The following MYO9A variants were observed in gnomAD, a reference collection of about 807,000 sequenced individuals.
MYO9A encodes myosin IXA.
In MYO9A, 103 loss-of-function variants were observed where a neutral mutation model predicts 293.3. The observed-to-expected ratio is 0.35, with a 90% CI of 0.30 to 0.41. The LOEUF (loss-of-function observed/expected upper bound fraction) is 0.41, where lower values mean the gene tolerates loss of function less well. Among genes scored for constraint, MYO9A ranks in the 10% least tolerant of loss-of-function variants. MYO9A has a pLI of 1.00. For synonymous variants in MYO9A, 1,001 were observed against 1,035.7 expected (o/e 0.97, Z 0.64); for missense variants, 2,685 against 3,033.0 (o/e 0.89, Z 2.69).
chr15:72,001,582 AAGG>A (rs1171287779), intron 8 of MYO9A, among the ~76,000 whole-genome samples: 6 of 151,028 alleles, frequency 4.0e-5, no homozygotes, highest in Admixed American at 6.6e-5. Context: ...AATAGATTAT[AAGG>A]AGGAGATTGA....
intron 30 of MYO9A, among the ~76,000 whole-genome samples, chr15:71,879,454 G>A (rs549324652): frequency 6.6e-6 from 1 of 151,962 alleles, no homozygotes; most frequent in Admixed American, 6.6e-5. Context: ...GACATCTGAA[G>A]TCAGTATCTT....
chr15:71,878,268 A>G, intron 30 of MYO9A, 37 bp from the exon 31 acceptor site: 3 of 1,389,186 alleles, frequency 2.2e-6, no homozygotes, highest in Non-Finnish European at 2.9e-6. Context: ...TGGTTTTATA[A>G]AGAAACTCCT....
chr15:72,082,028 C>T (rs1006200721), intron 1 of MYO9A, among the ~76,000 whole-genome samples: 3 of 151,830 alleles, frequency 2.0e-5, no homozygotes, highest in African/African-American at 7.3e-5. Flanking sequence ...TTTTTTGGTT[C>T]CATATCAATT....
At chr15:71,937,580 C>A (rs2058673850) in intron 16 of MYO9A, among the ~76,000 whole-genome samples, 1 of 152,026 alleles carries the variant, frequency 6.6e-6, no homozygotes, top group East Asian at 1.9e-4. Context: ...ATAGTGTAAA[C>A]ATAACTTTTA....
intron 1 of MYO9A, among the ~76,000 whole-genome samples, chr15:72,088,296 C>T (rs1195251026): frequency 6.6e-6 from 1 of 152,198 alleles, no homozygotes; most frequent in African/African-American, 2.4e-5. Flanking sequence ...ATAATAAACT[C>T]TATAGAATAC....
At chr15:71,996,767 G>A (rs995621947) in intron 9 of MYO9A, among the ~76,000 whole-genome samples, 3 of 151,714 alleles carry the variant, frequency 2.0e-5, no homozygotes, top group African/African-American at 7.3e-5. Flanking sequence ...TCTCACTACC[G>A]CAGCCTCCGA....
At chr15:72,107,798 C>CAAAAAAA in intron 1 of MYO9A, among the ~76,000 whole-genome samples, 1 of 143,000 alleles carries the variant, frequency 7.0e-6, no homozygotes, top group Non-Finnish European at 1.5e-5. Flanking sequence ...ATTTGAGCAT[C>CAAAAAAA]AAAAAAAAAA....
At chr15:72,086,592 G>C (rs1365186548) in intron 1 of MYO9A, among the ~76,000 whole-genome samples, 1 of 151,930 alleles carries the variant, frequency 6.6e-6, no homozygotes, top group Non-Finnish European at 1.5e-5. Flanking sequence ...GGCGAGGCGA[G>C]GGAAAGCAAG....
At chr15:72,002,997 C>T (rs1295500844) in intron 8 of MYO9A, among the ~76,000 whole-genome samples, 1 of 152,192 alleles carries the variant, frequency 6.6e-6, no homozygotes, top group Non-Finnish European at 1.5e-5. Flanking sequence ...TGGCTGGGCA[C>T]AGTGGCTCAT....
intron 1 of MYO9A, among the ~76,000 whole-genome samples, chr15:72,111,038 A>T (rs182183638): frequency 3.3e-5 from 5 of 152,044 alleles, no homozygotes; most frequent in Admixed American, 3.3e-4. Flanking sequence ...AGGTGCCTGT[A>T]TTCCCAGCTA....
chr15:72,034,327 C>T (rs2077973906), intron 2 of MYO9A, among the ~76,000 whole-genome samples: 1 of 152,170 alleles, frequency 6.6e-6, no homozygotes, highest in Admixed American at 6.5e-5. Context: ...GTTTGACAAC[C>T]ACCGCTCTAC....
In MYO9A at chr15:71,953,296, G is replaced by GCACT. The variant is rs2059096970; in HGVS notation, c.2183-1404_2183-1401dup. ...GAATGCTTAGGCCTTAAACTCCACT[G>GCACT]CACTTGGTTTGGCAGTCAGCTGAAG... is the stretch of plus-strand genomic sequence containing the variant. On this transcript the variant is annotated intron_variant, in intron 14 of 41. Coordinates refer to ENST00000356056, the MANE Select transcript of MYO9A (RefSeq NM_006901.4). Among the ~76,000 whole-genome samples the GCACT allele has an allele frequency of 2.6e-5, 4 of 152,096 alleles. No individual in the cohort carries two copies. The South Asian group carries it at 8.3e-4, about 32-fold the overall frequency.
At position 71,827,809 on chromosome 15, in the gene MYO9A, T is replaced by C. The variant is rs913333233; in HGVS notation, c.7183+75A>G. ...ACAGTCAGTAAATTCTTAAAAGACT[T>C]TGTCTTAGTTTTGGAATCTTTATTC... On this transcript the variant is annotated intron_variant, in intron 41 of 41. Coordinates refer to ENST00000356056, the MANE Select transcript of MYO9A (RefSeq NM_006901.4). The C allele has an allele frequency of 2.1e-6, 3 of 1,463,138 alleles. No homozygotes were observed. The African/African-American group carries it at 4.3e-5, about 21-fold the overall frequency. 90.6% of individuals were successfully genotyped at this position (1,463,138 alleles called of 1,614,324 possible).
At chr15:71,865,774 C>A (rs910945406) in intron 32 of MYO9A, among the ~76,000 whole-genome samples, 1 of 152,148 alleles carries the variant, frequency 6.6e-6, no homozygotes, top group Non-Finnish European at 1.5e-5. Flanking sequence ...CTAAATTGCA[C>A]ACTTTACGTA....
Position 71,854,566 on chromosome 15 carries a change from C to G in MYO9A, c.6157G>C (p.Asp2053His). The change falls in exon 35 of 42, where the codon GAT becomes CAT. Residue 2053 changes from aspartate to histidine, a missense_variant. Coordinates refer to ENST00000356056, the MANE Select transcript of MYO9A (RefSeq NM_006901.4). ...KTTAKCSKKY[D>H]PELSSRQFGV... The stretch of plus-strand genomic sequence containing the variant: ...AATTGTCGAGATGACAGCTCTGGAT[C>G]ATACTAAATGAAAGATAATTTTTAG... 1 of 1,576,330 alleles carries G rather than the reference C, an allele frequency of 6.3e-7. No homozygotes were observed. The highest frequency in any genetic ancestry group is 8.6e-7 in the Non-Finnish European group (1 of 1,164,966).
chr15:72,028,214 A>ATATATATATATAT (rs1555408252), intron 3 of MYO9A, among the ~76,000 whole-genome samples: 1 of 37,550 alleles, frequency 2.7e-5, no homozygotes, highest in Non-Finnish European at 6.7e-5. Flanking sequence ...TAAATAAATA[A>ATATATATATATAT]ATAAATATAT....
At chr15:71,970,416 C>A (rs1424375634) in intron 12 of MYO9A, among the ~76,000 whole-genome samples, 2 of 152,124 alleles carry the variant, frequency 1.3e-5, no homozygotes, top group African/African-American at 4.8e-5. Context: ...GCATGAAGAA[C>A]ACAACTAAGG....
chr15:71,985,548 T>C (rs188187149), intron 11 of MYO9A, among the ~76,000 whole-genome samples: 3 of 152,290 alleles, frequency 2.0e-5, no homozygotes, highest in East Asian at 1.9e-4. Context: ...CTAAAGCCTA[T>C]AGGAATTACC....
At chr15:72,081,436 A>G (rs2079542498) in intron 1 of MYO9A, among the ~76,000 whole-genome samples, 1 of 152,042 alleles carries the variant, frequency 6.6e-6, no homozygotes, top group African/African-American at 2.4e-5. Flanking sequence ...TAAATTCTTT[A>G]TAGGTGCTAG....
Sources: gnomAD v4.1 joint callset for allele counts (sites outside exome capture counted in the v4.1 genomes callset) on GRCh38, gnomAD v4.1.1 for gene constraint, MANE v1.5 for transcripts, NCBI Gene and HGNC (gene_info 2026-07-23, HGNC 2026-07-21) for gene names.